Variants in REC8 observed in about 807,000 individuals in gnomAD.
REC8 encodes meiotic recombination protein REC8 homolog.
Under a neutral mutation model 78.3 loss-of-function variants are expected in REC8, and 42 were observed. The observed-to-expected ratio is 0.54, with a 90% confidence interval of 0.42 to 0.69. The LOEUF (loss-of-function observed/expected upper bound fraction) is 0.69, where lower values mean the gene tolerates loss of function less well. Ranked by LOEUF, REC8 falls within the 30% of genes least tolerant of loss-of-function variation. The probability of loss-of-function intolerance (pLI) is 0.00; values close to 1 mark genes in which losing one functional copy is unlikely to be tolerated. For missense variants in REC8, 581 were observed against 715.8 expected, an observed-to-expected ratio of 0.81 and a Z score of 2.15; for synonymous variants, 268 against 274.1, an observed-to-expected ratio of 0.98 and a Z score of 0.22.
chr14:24,174,538 A>G lies in REC8; in HGVS notation c.463-1005A>G, dbSNP rs868726697. 5.9e-5 allele frequency among the ~76,000 whole-genome samples: 9 copies of G among 151,952 alleles called. No homozygotes were observed. In the South Asian group the frequency reaches 1.7e-3, roughly 28 times the overall value. ...GGCACTCCACCCGCCTCGGCCTCCC[A>G]AAGTGCTGGGATTACAGGTGTGAAC... is the stretch of plus-strand genomic sequence containing the variant. On this transcript the variant is annotated intron_variant, in intron 5 of 18. Coordinates refer to ENST00000611366, the MANE Select transcript of REC8 (RefSeq NM_001048205.2).
chr14:24,175,734 T>C lies in REC8; in HGVS notation c.544+110T>C, dbSNP rs1372047256. 4.0e-6 allele frequency: 3 copies of C among 743,042 alleles called. No individual in the cohort carries two copies. The East Asian group carries it at 8.0e-5, about 20-fold the overall frequency. 46.0% of individuals were successfully genotyped at this position (743,042 alleles called of 1,614,324 possible). On this transcript the variant is annotated intron_variant, in intron 6 of 18. Coordinates refer to ENST00000611366, the MANE Select transcript of REC8 (RefSeq NM_001048205.2). ...AGGCCTTGTGAGGGGCGCTTTTTTT[T>C]TTTTTCGAGGCAGAGTCTCACTCTG...
chr14:24,178,939 G>T (rs1168364204), intron 14 of REC8, 23 bp downstream of exon 14: 1 of 1,611,960 alleles, frequency 6.2e-7, no homozygotes, highest in Admixed American at 1.7e-5. Flanking sequence ...CCTGTTTACT[G>T]CATCGCCCCA....
At position 24,177,227 on chromosome 14, in the gene REC8, G is replaced by A. The variant is rs750781013; in HGVS notation, c.706+5G>A. The A allele has an allele frequency of 1.2e-5, 19 of 1,613,950 alleles. No homozygotes were observed. Among genetic ancestry groups the A allele is most frequent in the Non-Finnish European group, 1.5e-5 (18 of 1,179,944 alleles). ...AAGAAGCTATCTTGTTAGAAAGTAGGTGTCTCCGGCAGCGTAGGGCCCGCC... is the reference window on the plus strand; with the variant it reads ...AAGAAGCTATCTTGTTAGAAAGTAGATGTCTCCGGCAGCGTAGGGCCCGCC... On this transcript the variant is annotated splice_donor_5th_base_variant and intron_variant, in intron 8 of 18. Transcript: ENST00000611366.
At position 24,175,735 on chromosome 14, in the gene REC8, T is replaced by C. The variant is rs1386184955; in HGVS notation, c.544+111T>C. 10 of 736,042 alleles carry C rather than the reference T, an allele frequency of 1.4e-5. No homozygotes were observed. The Admixed American group carries it at 2.4e-4, about 18-fold the overall frequency. 45.6% of individuals were successfully genotyped at this position (736,042 alleles called of 1,614,324 possible). On this transcript the variant is annotated intron_variant, in intron 6 of 18. Transcript: ENST00000611366. The stretch of plus-strand genomic sequence containing the variant: ...GGCCTTGTGAGGGGCGCTTTTTTTT[T>C]TTTTCGAGGCAGAGTCTCACTCTGT...
chr14:24,178,537 A>G (rs1380259493), intron 12 of REC8, 69 bp from the exon 13 acceptor site: 2 of 1,521,064 alleles, frequency 1.3e-6, no homozygotes, highest in Admixed American at 1.7e-5. Flanking sequence ...AGTGCATTGC[A>G]AAGAGGCAAA....
downstream of REC8, chr14:24,180,740 C>G (rs114924943): frequency 4.9e-4 from 793 of 1,613,932 alleles, 4 homozygotes; most frequent in African/African-American, 9.0e-3. Flanking sequence ...CGCAGAAGCT[C>G]GGGAGCCACA....
In REC8 at chr14:24,172,435, C is replaced by A; in HGVS notation, c.-118C>A. 2 of 1,096,260 alleles carry A rather than the reference C, an allele frequency of 1.8e-6. No individual in the cohort carries two copies. Among genetic ancestry groups the A allele is most frequent in the Non-Finnish European group, 1.3e-6 (1 of 771,672 alleles). The allele number at this position is 1,096,260 out of a possible 1,614,324, so 67.9% of individuals were successfully genotyped here. A position where few individuals can be genotyped will look rare whatever the true frequency, so the allele number is the denominator to read the frequency against. ...TTTCTAGGTGCACCCACCTTGCCACCAGAGAAGTCCAAATCCTGACTTCTC... is the reference window on the plus strand; with the variant it reads ...TTTCTAGGTGCACCCACCTTGCCACAAGAGAAGTCCAAATCCTGACTTCTC... On this transcript the variant is annotated 5_prime_UTR_variant, in exon 1 of 19. Transcript: ENST00000611366.
Position 24,178,171 on chromosome 14 carries a change from C to A in REC8, c.945C>A (p.Ser315=), listed in dbSNP as rs768016337. Residue 315 remains serine (S), a synonymous_variant, in exon 12 of 19, where the codon TCC becomes TCA. Transcript: ENST00000611366. ...TCTGGGACAAGGAGACTCAGATCTC[C>A]CCGGAGAAATTCCAGGAACAACTGC... is the stretch of plus-strand genomic sequence containing the variant. ...LLFWDKETQI[S]PEKFQEQLQT... The A allele has an allele frequency of 1.1e-5, 17 of 1,614,060 alleles. No homozygotes were observed. The highest frequency in any genetic ancestry group is 1.4e-5 in the Non-Finnish European group (17 of 1,179,964).
Position 24,172,989 on chromosome 14 carries a change from A to G in REC8, c.216A>G (p.Gln72=). Residue 72 remains glutamine, a synonymous_variant, in exon 3 of 19, where the codon CAA becomes CAG. Coordinates refer to ENST00000611366, the MANE Select transcript of REC8 (RefSeq NM_001048205.2). ...GCTTCTCCCTCTATCTCTCAGCCCA[A>G]CTTCAGATCGGTGTGATCCGCGTCT... is the stretch of plus-strand genomic sequence containing the variant. ...RPRFSLYLSA[Q]LQIGVIRVYS... 2.5e-6 allele frequency: 4 copies of G among 1,609,122 alleles called. No homozygotes were observed. Among genetic ancestry groups the G allele is most frequent in the Non-Finnish European group, 3.4e-6 (4 of 1,179,996 alleles).
In REC8 at chr14:24,178,098, C is replaced by A. The variant is rs914077012; in HGVS notation, c.872C>A (p.Pro291His). The part of the protein sequence containing the change: ...LPAPPSPERR[P>H]PVPPPPRRRR... The stretch of plus-strand genomic sequence containing the variant: ...GCCCTCCCCACTCAACAGAGGAGGC[C>A]CCCAGTCCCCCCACCTCCTCGCCGC... The change falls in exon 12 of 19, where the codon CCC becomes CAC. Residue 291 changes from proline to histidine, a missense_variant. By Grantham distance (77) the Pro-to-His change is moderately conservative. Transcript: ENST00000611366. 5 of 1,613,000 alleles carry A rather than the reference C, an allele frequency of 3.1e-6. No homozygotes were observed. The African/African-American group carries it at 4.0e-5, about 13-fold the overall frequency.
intron 15 of REC8, 23 bp from the exon 16 acceptor site, chr14:24,179,374 T>C (rs1300255474): frequency 1.2e-6 from 2 of 1,613,464 alleles, no homozygotes; most frequent in South Asian, 2.2e-5. Flanking sequence ...AGACACCCAC[T>C]AGCGCCTTTC....
rs1259506449 is a variant in REC8, at chr14:24,177,179, G to A, written c.663G>A (p.Leu221=). ...TCCCAGAGGTCAGCCGCCGAGAACT[G>A]GACCTGCTGATCGCAGAGGAAGAAG... The part of the protein sequence containing the change: ...RELPEVSRRE[L]DLLIAEEEEA... Residue 221 remains leucine (L), a synonymous_variant, in exon 8 of 19, where the codon CTG becomes CTA. Transcript: ENST00000611366. 1 of 1,614,104 alleles carries A rather than the reference G, an allele frequency of 6.2e-7. No homozygotes were observed.
intron 9 of REC8, 21 bp from the exon 10 acceptor site, chr14:24,177,444 C>A: frequency 6.2e-7 from 1 of 1,614,176 alleles, no homozygotes; most frequent in Non-Finnish European, 8.5e-7. Flanking sequence ...CTCCTCATTT[C>A]TCTTGCCCAT....
Position 24,177,219 on chromosome 14 carries a change from G to C in REC8, c.703G>C (p.Glu235Gln). The change falls in exon 8 of 19, where the codon GAA (glutamate) becomes CAA (glutamine). Residue 235 changes from glutamate (E) to glutamine (Q), a missense_variant. By Grantham distance (29) the Glu-to-Gln change is conservative. Transcript: ENST00000611366. ...AGAGGAAGAAGAAGCTATCTTGTTA[G>C]AAAGTAGGTGTCTCCGGCAGCGTAG... is the stretch of plus-strand genomic sequence containing the variant. Reference protein sequence around the residue: ...IAEEEEAILLEIPRLPPPAPA... With the variant: ...IAEEEEAILLQIPRLPPPAPA... 6.2e-7 allele frequency: 1 copy of C among 1,614,150 alleles called. No homozygotes were observed. Among genetic ancestry groups the C allele is most frequent in the Non-Finnish European group, 8.5e-7 (1 of 1,179,998 alleles).
Position 24,172,520 on chromosome 14 carries a change from TG to T in REC8, c.-31del. 1 of 1,596,318 alleles carries T rather than the reference TG, an allele frequency of 6.3e-7. No homozygotes were observed. The highest frequency in any genetic ancestry group is 8.6e-7 in the Non-Finnish European group (1 of 1,167,394). On this transcript the variant is annotated 5_prime_UTR_variant, in exon 1 of 19. Coordinates refer to ENST00000611366, the MANE Select transcript of REC8 (RefSeq NM_001048205.2). ...TCCGACTCAGATCCGAACGGGGATC[TG>T]GTGGAATCGAGGGTGAAAGACCAGA... is the stretch of plus-strand genomic sequence containing the variant.
At chr14:24,179,211 G>A in intron 15 of REC8, 78 bp downstream of exon 15, 1 of 1,350,706 alleles carries the variant, frequency 7.4e-7, no homozygotes, top group African/African-American at 1.5e-5. Context: ...AACTGCTGAA[G>A]CTGTTTTATG....
downstream of REC8, chr14:24,180,337 G>A: frequency 3.3e-6 from 5 of 1,508,702 alleles, no homozygotes; most frequent in East Asian, 2.4e-5. Flanking sequence ...CTCCAAATGG[G>A]TATGAGTCTC....
In REC8 at chr14:24,175,530, T is replaced by C; in HGVS notation, c.463-13T>C. On this transcript the variant is annotated splice_polypyrimidine_tract_variant and intron_variant, in intron 5 of 18. Transcript: ENST00000611366. ...GCTGAACCCTATCTTTTGTTTCCAA[T>C]CCCTCTCCAAAGATTCGACACCTCT... 2 of 1,609,120 alleles carry C rather than the reference T, an allele frequency of 1.2e-6. No homozygotes were observed. Among genetic ancestry groups the C allele is most frequent in the African/African-American group, 1.3e-5 (1 of 74,914 alleles).
chr14:24,177,203 A>G lies in REC8; in HGVS notation c.687A>G (p.Glu229=). ...RELDLLIAEE[E]EAILLEIPRL... ...TGGACCTGCTGATCGCAGAGGAAGA[A>G]GAAGCTATCTTGTTAGAAAGTAGGT... The change falls in exon 8 of 19, where the codon GAA becomes GAG. Residue 229 remains glutamate, a synonymous_variant. Transcript: ENST00000611366. The G allele has an allele frequency of 5.0e-6, 8 of 1,614,116 alleles. No homozygotes were observed. Among genetic ancestry groups the G allele is most frequent in the Non-Finnish European group, 5.9e-6 (7 of 1,179,984 alleles).
Sources: allele counts gnomAD v4.1 joint callset (sites outside exome capture counted in the v4.1 genomes callset), GRCh38; gene constraint gnomAD v4.1.1; transcripts MANE v1.5; gene names NCBI Gene and HGNC (gene_info 2026-07-23, HGNC 2026-07-21).